The following C6 variants were observed in gnomAD, a reference collection of about 807,000 sequenced individuals.
C6 encodes the protein complement component C6.
C6 carries 101 observed loss-of-function variants against 112.9 expected under a neutral mutation model. The ratio of observed to expected loss-of-function variants is 0.89; its 90% CI spans 0.76 to 1.06. The LOEUF (loss-of-function observed/expected upper bound fraction) is 1.06. Ranked by LOEUF, C6 falls within the 50% of genes least tolerant of loss-of-function variation. C6 has a pLI of 0.00. For synonymous variants in C6, 431 were observed against 384.1 expected, an observed-to-expected ratio of 1.12 and a Z score of -1.43; for missense variants, 1,202 against 1,104.6, an observed-to-expected ratio of 1.09 and a Z score of -1.25.
At chr5:41,260,836 C>G (rs374296400) in intron 1 of C6, among the ~76,000 whole-genome samples, 1 of 150,700 alleles carries the variant, frequency 6.6e-6, no homozygotes, top group Non-Finnish European at 1.5e-5. Flanking sequence ...TAGTCTTAAA[C>G]ACACCAGTCC....
At chr5:41,247,542 C>A (rs1190004835) in intron 1 of C6, among the ~76,000 whole-genome samples, 1 of 151,546 alleles carries the variant, frequency 6.6e-6, no homozygotes, top group African/African-American at 2.4e-5. Flanking sequence ...ATGGTGAAAC[C>A]CCATCTCTAA....
At chr5:41,208,348 G>T (rs56720486) in intron 1 of C6, among the ~76,000 whole-genome samples, 268 of 152,252 alleles carry the variant, frequency 1.8e-3, no homozygotes, top group African/African-American at 5.7e-3. Context: ...AAAGCTAGCA[G>T]AAGGCAAGAA....
intron 17 of C6, among the ~76,000 whole-genome samples, chr5:41,146,890 TG>T (rs1745875649): frequency 6.6e-6 from 1 of 151,800 alleles, no homozygotes; most frequent in East Asian, 1.9e-4. Context: ...AAAAAAAATT[TG>T]TGGGAAGATA....
chr5:41,238,218 G>GA (rs1247194092), intron 1 of C6, among the ~76,000 whole-genome samples: 2 of 131,142 alleles, frequency 1.5e-5, no homozygotes, highest in Admixed American at 8.1e-5. Context: ...CACAGAATTC[G>GA]AAAAAACTAC....
chr5:41,160,443 G>A, intron 10 of C6, 76 bp from the exon 11 acceptor site: 1 of 1,124,082 alleles, frequency 8.9e-7, no homozygotes, highest in Non-Finnish European at 1.4e-6. Context: ...CCAGTTCTCT[G>A]AAATGAGAGG....
chr5:41,148,009 T>C (rs1350917226), intron 17 of C6, among the ~76,000 whole-genome samples: 3 of 152,202 alleles, frequency 2.0e-5, no homozygotes, highest in African/African-American at 7.2e-5. Flanking sequence ...CTAGGAAATA[T>C]AATATGGCAA....
intron 9 of C6, among the ~76,000 whole-genome samples, chr5:41,163,853 T>C (rs372801894): frequency 6.6e-6 from 1 of 152,220 alleles, no homozygotes; most frequent in African/African-American, 2.4e-5. Flanking sequence ...ATGATTTAAC[T>C]GAAATAGCTC....
At chr5:41,148,029 T>A (rs560636885) in intron 17 of C6, among the ~76,000 whole-genome samples, 1 of 152,224 alleles carries the variant, frequency 6.6e-6, no homozygotes, top group Non-Finnish European at 1.5e-5. Flanking sequence ...AAAACATTTC[T>A]GGATAGGCAG....
chr5:41,185,214 T>TC (rs1749675384), intron 6 of C6, among the ~76,000 whole-genome samples: 1 of 152,176 alleles, frequency 6.6e-6, no homozygotes, highest in African/African-American at 2.4e-5. Flanking sequence ...CCAAAGACAT[T>TC]CCCCACCTAT....
chr5:41,250,337 A>C (rs76826944), intron 1 of C6, among the ~76,000 whole-genome samples: 1 of 152,140 alleles, frequency 6.6e-6, no homozygotes, highest in African/African-American at 2.4e-5. Flanking sequence ...TACCGGCATG[A>C]GTTAGATGAT....
chr5:41,160,052 T>C, intron 11 of C6, 90 bp downstream of exon 11: 1 of 1,032,344 alleles, frequency 9.7e-7, no homozygotes, highest in Non-Finnish European at 1.5e-6. Context: ...AGGTTGCTAA[T>C]AGAAGTTTTG....
chr5:41,168,987 A>G (rs1748201529), intron 9 of C6, among the ~76,000 whole-genome samples: 1 of 152,108 alleles, frequency 6.6e-6, no homozygotes, highest in South Asian at 2.1e-4. Context: ...GAAAACAGGC[A>G]AGGGTTCCCT....
intron 10 of C6, among the ~76,000 whole-genome samples, chr5:41,160,908 A>G (rs1747426903): frequency 1.3e-5 from 2 of 152,192 alleles, no homozygotes; most frequent in African/African-American, 4.8e-5. Flanking sequence ...TAGGCTAATG[A>G]TAAATCAGTG....
At chr5:41,156,838 T>A (rs567715313) in intron 13 of C6, among the ~76,000 whole-genome samples, 1 of 152,362 alleles carries the variant, frequency 6.6e-6, no homozygotes, top group South Asian at 2.1e-4. Context: ...TAAACTTTTG[T>A]TTCTATTTCT....
At position 41,176,679 on chromosome 5, in the gene C6, C is replaced by T; in HGVS notation, c.964G>A (p.Val322Ile). The T allele has an allele frequency of 6.2e-7, 1 of 1,612,406 alleles. No homozygotes were observed. Among genetic ancestry groups the T allele is most frequent in the Non-Finnish European group, 8.5e-7 (1 of 1,178,828 alleles). ...TTAGCTTTCGTTGTGAAGTTTAAGA[C>T]TTTCATCACTTTATGGATCCTAATA... ...SFIRIHKVMKVLNFTTKAKDL... is the reference protein window; with the variant it reads ...SFIRIHKVMKILNFTTKAKDL... The change falls in exon 8 of 18, where the codon GTC becomes ATC. Residue 322 changes from valine to isoleucine, a missense_variant. Physicochemically the swap from Val to Ile is conservative, Grantham distance 29 (BLOSUM62 3). Coordinates refer to ENST00000337836, the MANE Select transcript of C6 (RefSeq NM_000065.5).
intron 17 of C6, among the ~76,000 whole-genome samples, chr5:41,147,945 G>A (rs543766975): frequency 6.6e-6 from 1 of 152,296 alleles, no homozygotes; most frequent in African/African-American, 2.4e-5. Context: ...ATACAAAGGA[G>A]TGATAACTCC....
chr5:41,253,274 C>T (rs1741474278), intron 1 of C6, among the ~76,000 whole-genome samples: 1 of 151,980 alleles, frequency 6.6e-6, no homozygotes, highest in Non-Finnish European at 1.5e-5. Context: ...GTAATCCAAC[C>T]TCTTGGGTGG....
intron 17 of C6, among the ~76,000 whole-genome samples, chr5:41,143,653 C>T (rs926883126): frequency 2.0e-5 from 3 of 152,150 alleles, no homozygotes; most frequent in Non-Finnish European, 2.9e-5. Context: ...AAGCCCTTTG[C>T]GCATTGCCAC....
At chr5:41,255,460 G>A (rs1233944527) in intron 1 of C6, among the ~76,000 whole-genome samples, 1 of 152,052 alleles carries the variant, frequency 6.6e-6, no homozygotes, top group Non-Finnish European at 1.5e-5. Context: ...TGGGCTGCAA[G>A]TAACGGAGAC....
Sources: allele counts gnomAD v4.1 joint callset (sites outside exome capture counted in the v4.1 genomes callset), GRCh38; gene constraint gnomAD v4.1.1; transcripts MANE v1.5; gene names NCBI Gene and HGNC (gene_info 2026-07-23, HGNC 2026-07-21).